ACVR1: variants seen among roughly 807,000 people sequenced by gnomAD.
The protein encoded by ACVR1 is activin A receptor type 1.
A neutral mutation model predicts 57.1 loss-of-function variants in ACVR1; 38 were observed. That is an observed-to-expected ratio of 0.67 (90% CI 0.51 to 0.87). ACVR1 has a LOEUF of 0.87. Ranked by LOEUF, ACVR1 falls within the 40% of genes least tolerant of loss-of-function variation. ACVR1 has a pLI of 0.00. For missense variants in ACVR1, 463 were observed against 638.2 expected (o/e 0.73, Z 2.96); for synonymous variants, 212 against 228.1 (o/e 0.93, Z 0.63).
At chr2:157,761,806 GGAT>G (rs1483306360) in intron 8 of ACVR1, among the ~76,000 whole-genome samples, 8 of 152,138 alleles carry the variant, frequency 5.3e-5, no homozygotes, top group Non-Finnish European at 7.4e-5. Flanking sequence ...CTTTATTTGT[GGAT>G]GATTTTATGT....
At chr2:157,740,110 G>T (rs911602265) in intron 9 of ACVR1, among the ~76,000 whole-genome samples, 2 of 151,852 alleles carry the variant, frequency 1.3e-5, no homozygotes, top group African/African-American at 4.8e-5. Context: ...GCTTGAACCC[G>T]GGAGGTGGAT....
intron 1 of ACVR1, chr2:157,875,440 G>C (rs1273183969): frequency 1.3e-5 from 2 of 153,484 alleles, no homozygotes; most frequent in African/African-American, 4.8e-5. Context: ...GTGGCCCCGC[G>C]GCCAGATCGA....
chr2:157,768,806 A>T (rs568814384), intron 7 of ACVR1, among the ~76,000 whole-genome samples: 1 of 152,298 alleles, frequency 6.6e-6, no homozygotes, highest in South Asian at 2.1e-4. Context: ...TCAACATTTA[A>T]AACTGGGAAA....
At chr2:157,825,749 A>G (rs1688321368) in intron 1 of ACVR1, among the ~76,000 whole-genome samples, 1 of 152,200 alleles carries the variant, frequency 6.6e-6, no homozygotes, top group Non-Finnish European at 1.5e-5. Context: ...GCTAACCCCA[A>G]GTAGCTTTAA....
In ACVR1 at chr2:157,770,397, G is replaced by A; in HGVS notation, c.761C>T (p.Thr254Ile). Residue 254 changes from threonine (T) to isoleucine (I), a missense_variant, in exon 7 of 11, where the codon ACT becomes ATT. This residue lies in a region of ACVR1 where 114 missense variants were observed against 216.2 expected (regional missense o/e 0.53). Transcript: ENST00000434821. The part of the protein sequence containing the change: ...SWFRETELYN[T>I]VMLRHENILG... ...GATATTTTCATGCCTCAGCATCACA[G>A]TGTTGTACAATTCCGTTTCCCTGAA... 6.2e-7 allele frequency: 1 copy of A among 1,614,102 alleles called. No homozygotes were observed. Among genetic ancestry groups the A allele is most frequent in the Non-Finnish European group, 8.5e-7 (1 of 1,179,960 alleles).
At position 157,754,062 on chromosome 2, in the gene ACVR1, T is replaced by C. The variant is rs922939478; in HGVS notation, c.1264+6818A>G. Among the ~76,000 whole-genome samples, 6 of 152,168 alleles carry C rather than the reference T, an allele frequency of 3.9e-5. 1 individual carries two copies. In the South Asian group the frequency reaches 1.2e-3, roughly 31 times the overall value. On this transcript the variant is annotated intron_variant, in intron 9 of 10. Coordinates refer to ENST00000434821, the MANE Select transcript of ACVR1 (RefSeq NM_001111067.4). ...AAATTAAACATTTCTTTGAACTGAA[T>C]GATAATAGTGACACAACCTAACAAA...
chr2:157,825,241 A>G (rs1028944859), intron 1 of ACVR1, among the ~76,000 whole-genome samples: 2 of 152,234 alleles, frequency 1.3e-5, no homozygotes, highest in Non-Finnish European at 1.5e-5. Context: ...TAGTAGCTCA[A>G]TATAGACATC....
intron 1 of ACVR1, among the ~76,000 whole-genome samples, chr2:157,866,917 C>T (rs1254172591): frequency 6.6e-6 from 1 of 152,170 alleles, no homozygotes; most frequent in African/African-American, 2.4e-5. Flanking sequence ...AGGAAGCTCT[C>T]CCCCAGGACA....
At chr2:157,815,305 T>C (rs1244993314) in intron 2 of ACVR1, among the ~76,000 whole-genome samples, 1 of 152,202 alleles carries the variant, frequency 6.6e-6, no homozygotes, top group Non-Finnish European at 1.5e-5. Context: ...TGGCTGTTTC[T>C]AGAAGGGCCA....
At chr2:157,852,493 T>C (rs1247833449) in intron 1 of ACVR1, among the ~76,000 whole-genome samples, 1 of 132,978 alleles carries the variant, frequency 7.5e-6, no homozygotes, top group Non-Finnish European at 1.6e-5. Context: ...AGCGAGAGCC[T>C]GTCTCAAAAA....
At chr2:157,855,329 C>A (rs369649271) in intron 1 of ACVR1, among the ~76,000 whole-genome samples, 1 of 120,634 alleles carries the variant, frequency 8.3e-6, no homozygotes, top group African/African-American at 3.4e-5. Context: ...TATATACACA[C>A]ACACACACAC....
At chr2:157,863,929 G>A (rs1689824635) in intron 1 of ACVR1, among the ~76,000 whole-genome samples, 1 of 142,114 alleles carries the variant, frequency 7.0e-6, no homozygotes, top group South Asian at 2.2e-4. Context: ...GTGCCATCTC[G>A]GCTCACTGCA....
chr2:157,778,569 T>C (rs1319833552), intron 4 of ACVR1, among the ~76,000 whole-genome samples: 1 of 152,194 alleles, frequency 6.6e-6, no homozygotes, highest in African/African-American at 2.4e-5. Context: ...TGAGAATCAA[T>C]TGCATTAATG....
chr2:157,777,781 C>T (rs1169274511), intron 5 of ACVR1, among the ~76,000 whole-genome samples: 3 of 152,186 alleles, frequency 2.0e-5, no homozygotes, highest in African/African-American at 7.2e-5. Context: ...TTTAAAGGAG[C>T]ACTTTTATGG....
intron 1 of ACVR1, among the ~76,000 whole-genome samples, chr2:157,820,531 T>C (rs1266702316): frequency 2.0e-5 from 3 of 152,174 alleles, no homozygotes; most frequent in Non-Finnish European, 4.4e-5. Flanking sequence ...AACACTGGTA[T>C]ATATTTTTCT....
intron 1 of ACVR1, chr2:157,819,611 T>A (rs972289245): frequency 6.6e-5 from 10 of 152,104 alleles, no homozygotes; most frequent in African/African-American, 1.9e-4. Flanking sequence ...AGTAACCAAT[T>A]TCTTGTATAT....
At chr2:157,750,472 A>C (rs1685140390) in intron 9 of ACVR1, among the ~76,000 whole-genome samples, 1 of 152,162 alleles carries the variant, frequency 6.6e-6, no homozygotes, top group South Asian at 2.1e-4. Flanking sequence ...TTCAGCCTAA[A>C]CCAAAAAGGA....
chr2:157,813,299 A>C (rs951849579), intron 2 of ACVR1, among the ~76,000 whole-genome samples: 1 of 152,248 alleles, frequency 6.6e-6, no homozygotes, highest in Non-Finnish European at 1.5e-5. Context: ...ACCAAAATCT[A>C]TATGGGAATT....
chr2:157,874,107 T>A (rs1041091804), intron 1 of ACVR1, among the ~76,000 whole-genome samples: 2 of 152,172 alleles, frequency 1.3e-5, no homozygotes, highest in Non-Finnish European at 2.9e-5. Flanking sequence ...ACCCAATCTA[T>A]AATCATCCCA....
Sources: allele counts gnomAD v4.1 joint callset (sites outside exome capture counted in the v4.1 genomes callset), GRCh38; gene constraint gnomAD v4.1.1; regional missense constraint gnomAD v4.1.1; transcripts MANE v1.5; gene names NCBI Gene and HGNC (gene_info 2026-07-23, HGNC 2026-07-21).